LOC128092253: variants seen among roughly 807,000 people sequenced by gnomAD.
the LOC128092253 span, chr6:133,953,541 G>A: frequency 1.3e-5 from 2 of 152,734 alleles, no homozygotes; most frequent in South Asian, 4.1e-4. Context: ...CCAGACTTGG[G>A]GTGGGATGTG....
chr6:133,978,688 A>G, the LOC128092253 span, among the ~76,000 whole-genome samples: 1 of 152,196 alleles, frequency 6.6e-6, no homozygotes, highest in Non-Finnish European at 1.5e-5. Context: ...GGTACAATTG[A>G]TACACAGAAT....
the LOC128092253 span, among the ~76,000 whole-genome samples, chr6:133,960,606 T>C: frequency 1.3e-5 from 2 of 152,200 alleles, no homozygotes; most frequent in Non-Finnish European, 2.9e-5. Context: ...CTATTAAAAT[T>C]AGAAGAGTTT....
chr6:133,969,018 A>C, the LOC128092253 span: 1 of 152,212 alleles, frequency 6.6e-6, no homozygotes, highest in Non-Finnish European at 1.5e-5. Flanking sequence ...AACAGTGAGA[A>C]TCTTAACTAG....
the LOC128092253 span, among the ~76,000 whole-genome samples, chr6:133,956,188 T>A: frequency 6.6e-6 from 1 of 152,362 alleles, no homozygotes; most frequent in Admixed American, 6.5e-5. Context: ...TGCAGTTGAT[T>A]TTTAGAAGAA....
At chr6:133,963,602 TG>T in the LOC128092253 span, among the ~76,000 whole-genome samples, 1 of 152,250 alleles carries the variant, frequency 6.6e-6, no homozygotes, top group African/African-American at 2.4e-5. Flanking sequence ...TGTATTTTTT[TG>T]TCGAGACAGA....
chr6:133,963,481 G>C, the LOC128092253 span, among the ~76,000 whole-genome samples: 2 of 152,192 alleles, frequency 1.3e-5, no homozygotes, highest in African/African-American at 4.8e-5. Flanking sequence ...CTGGAGTGCA[G>C]TGGTGTGATC....
chr6:133,965,512 TC>T, the LOC128092253 span, among the ~76,000 whole-genome samples: 1 of 152,092 alleles, frequency 6.6e-6, no homozygotes, highest in Non-Finnish European at 1.5e-5. Context: ...TTTGCCACCT[TC>T]CCTGTCCCCA....
chr6:133,955,815 C>T, the LOC128092253 span, among the ~76,000 whole-genome samples: 278 of 152,246 alleles, frequency 1.8e-3, 1 homozygote, highest in Middle Eastern at 3.4e-3. Flanking sequence ...TAAAATCAAT[C>T]TTGACTGAAA....
the LOC128092253 span, among the ~76,000 whole-genome samples, chr6:133,964,776 A>G: frequency 1.3e-5 from 2 of 152,148 alleles, no homozygotes; most frequent in African/African-American, 2.4e-5. Context: ...CCAAGTAACT[A>G]ATTTCATAAT....
the LOC128092253 span, among the ~76,000 whole-genome samples, chr6:133,966,519 C>G: frequency 6.6e-6 from 1 of 152,182 alleles, no homozygotes; most frequent in African/African-American, 2.4e-5. Flanking sequence ...TTAACCTAGA[C>G]CTGTCCTGAG....
chr6:133,972,056 A>T, the LOC128092253 span, among the ~76,000 whole-genome samples: 1 of 152,358 alleles, frequency 6.6e-6, no homozygotes, highest in East Asian at 1.9e-4. Context: ...AGAATAGATT[A>T]TCCAAATTTG....
the LOC128092253 span, among the ~76,000 whole-genome samples, chr6:133,968,618 T>G: frequency 6.6e-6 from 1 of 152,186 alleles, no homozygotes; most frequent in Non-Finnish European, 1.5e-5. Flanking sequence ...ACTAGTCCAC[T>G]GTCGTGTAGC....
chr6:133,956,309 A>G, the LOC128092253 span, among the ~76,000 whole-genome samples: 1 of 152,162 alleles, frequency 6.6e-6, no homozygotes, highest in Non-Finnish European at 1.5e-5. Context: ...ACTTAAATCC[A>G]TTTTGTTGTG....
At chr6:133,972,901 C>G in the LOC128092253 span, among the ~76,000 whole-genome samples, 14 of 152,106 alleles carry the variant, frequency 9.2e-5, no homozygotes, top group Admixed American at 9.2e-4. Flanking sequence ...GTGGTATTAT[C>G]ACCAATTTAT....
chr6:133,956,014 A>T, the LOC128092253 span, among the ~76,000 whole-genome samples: 1 of 152,204 alleles, frequency 6.6e-6, no homozygotes, highest in Non-Finnish European at 1.5e-5. Context: ...CTTCTCATGG[A>T]CATGGCACAT....
At chr6:133,954,415 CTT>C in the LOC128092253 span, among the ~76,000 whole-genome samples, 2 of 152,250 alleles carry the variant, frequency 1.3e-5, no homozygotes, top group African/African-American at 4.8e-5. Context: ...TTCGCAGTCT[CTT>C]TGAGAAAATG....
the LOC128092253 span, among the ~76,000 whole-genome samples, chr6:133,965,826 TATA>T: frequency 6.6e-6 from 1 of 152,194 alleles, no homozygotes; most frequent in Non-Finnish European, 1.5e-5. Flanking sequence ...AGAAAGGAGA[TATA>T]ATAATAGTAA....
chr6:133,970,799 C>CA, the LOC128092253 span, among the ~76,000 whole-genome samples: 1 of 152,052 alleles, frequency 6.6e-6, no homozygotes. Flanking sequence ...TTGAGTCTAT[C>CA]TGTGTTGCCC....
chr6:133,970,612 T>C, the LOC128092253 span, among the ~76,000 whole-genome samples: 1 of 151,322 alleles, frequency 6.6e-6, no homozygotes, highest in Admixed American at 6.6e-5. Context: ...GTTTTGTTTT[T>C]GCTTTTTTTT....
Sources: allele counts gnomAD v4.1 joint callset (sites outside exome capture counted in the v4.1 genomes callset), GRCh38; gene constraint gnomAD v4.1.1; transcripts MANE v1.5.